The following PDS5B variants were observed in gnomAD, a reference collection of about 807,000 sequenced individuals.
PDS5B encodes sister chromatid cohesion protein PDS5 homolog B.
PDS5B carries 51 observed loss-of-function variants against 184.1 expected under a neutral mutation model. That is an observed-to-expected ratio of 0.28 (90% confidence interval 0.22 to 0.35). The LOEUF is 0.35. PDS5B is among the 10% of genes least tolerant of loss of function. The pLI is 1.00. For missense variants in PDS5B, 1,180 were observed against 1,723.3 expected, an observed-to-expected ratio of 0.68 and a Z score of 5.58; for synonymous variants, 566 against 569.2, an observed-to-expected ratio of 0.99 and a Z score of 0.08.
intron 7 of PDS5B, among the ~76,000 whole-genome samples, chr13:32,669,589 A>G (rs1566306699): frequency 6.6e-6 from 1 of 152,198 alleles, no homozygotes; most frequent in Non-Finnish European, 1.5e-5. Flanking sequence ...ACATCAAGGT[A>G]AAAACATTTC....
At chr13:32,735,023 ATGT>A (rs1373697443) in intron 20 of PDS5B, 146 bp from the exon 21 acceptor site, 1 of 481,290 alleles carries the variant, frequency 2.1e-6, no homozygotes, top group African/African-American at 2.0e-5. Context: ...TACTTATACT[ATGT>A]ATATTTATTG....
chr13:32,737,055 A>G (rs566210365), intron 21 of PDS5B, among the ~76,000 whole-genome samples: 2 of 152,302 alleles, frequency 1.3e-5, no homozygotes, highest in Admixed American at 6.5e-5. Context: ...TAGGCTTATC[A>G]TCTTGATCTC....
At chr13:32,594,196 A>G (rs956709324) in intron 1 of PDS5B, among the ~76,000 whole-genome samples, 13 of 152,206 alleles carry the variant, frequency 8.5e-5, no homozygotes, top group Admixed American at 2.6e-4. Flanking sequence ...AGTGTTTGGG[A>G]TAAGCCAGGT....
In PDS5B at chr13:32,758,131, A is replaced by G; in HGVS notation, c.3101A>G (p.Asn1034Ser). 1 of 1,538,748 alleles carries G rather than the reference A, an allele frequency of 6.5e-7. No homozygotes were observed. The highest frequency in any genetic ancestry group is 8.8e-7 in the Non-Finnish European group (1 of 1,130,392). The change falls in exon 27 of 35, where the codon AAT becomes AGT. Residue 1034 changes from asparagine (N) to serine (S), a missense_variant. Coordinates refer to ENST00000315596, the MANE Select transcript of PDS5B (RefSeq NM_015032.4). ...VLEILMAKNE[N>S]NSHAFIRKMV... ...GAAATATTAATGGCTAAAAATGAAA[A>G]TAACAGTCACGCTTTTATCAGAAAG... is the stretch of plus-strand genomic sequence containing the variant.
chr13:32,668,487 A>G (rs966992092), intron 7 of PDS5B, among the ~76,000 whole-genome samples: 1 of 152,178 alleles, frequency 6.6e-6, no homozygotes, highest in Admixed American at 6.5e-5. Flanking sequence ...ACAGAAGTTT[A>G]TGGTAAGTTT....
intron 21 of PDS5B, 61 bp downstream of exon 21, chr13:32,735,391 C>A: frequency 8.4e-7 from 1 of 1,187,686 alleles, no homozygotes; most frequent in Non-Finnish European, 1.2e-6. Context: ...TTTTATCCAA[C>A]AAGGAAAGAA....
intron 7 of PDS5B, among the ~76,000 whole-genome samples, chr13:32,670,390 C>T (rs953145139): frequency 3.3e-5 from 5 of 151,898 alleles, no homozygotes; most frequent in African/African-American, 1.2e-4. Flanking sequence ...TGAATTTTTC[C>T]TTTTTTAAAA....
chr13:32,742,878 CA>C, intron 23 of PDS5B, 151 bp downstream of exon 23: 1 of 708,306 alleles, frequency 1.4e-6, no homozygotes, highest in Non-Finnish European at 2.3e-6. Flanking sequence ...TGCTTTTGTA[CA>C]GTGGTTATTT....
chr13:32,714,338 C>G (rs1275138586), intron 19 of PDS5B, among the ~76,000 whole-genome samples: 1 of 151,860 alleles, frequency 6.6e-6, no homozygotes, highest in Non-Finnish European at 1.5e-5. Context: ...ATAAGCCTCA[C>G]AGGACCACAG....
chr13:32,718,337 A>G (rs9596132), intron 19 of PDS5B, among the ~76,000 whole-genome samples: 1,833 of 152,210 alleles, frequency 0.012, 37 homozygotes, highest in African/African-American at 0.041. Flanking sequence ...TTTTTAATAG[A>G]GACGGGGTTT....
At chr13:32,597,362 T>TA (rs2057893554) in intron 1 of PDS5B, among the ~76,000 whole-genome samples, 1 of 151,754 alleles carries the variant, frequency 6.6e-6, no homozygotes, top group African/African-American at 2.4e-5. Context: ...CTTTTTCACA[T>TA]GTTATTGCAG....
chr13:32,623,611 C>A (rs2058331402), intron 1 of PDS5B, among the ~76,000 whole-genome samples: 1 of 152,122 alleles, frequency 6.6e-6, no homozygotes, highest in Admixed American at 6.5e-5. Flanking sequence ...ATTTCTCTCA[C>A]TGTTATAATT....
intron 34 of PDS5B, among the ~76,000 whole-genome samples, chr13:32,774,612 A>G (rs891368338): frequency 4.6e-5 from 7 of 152,332 alleles, no homozygotes; most frequent in Middle Eastern, 6.8e-3. Flanking sequence ...TTAAGATCCA[A>G]ACTCAGTAAC....
chr13:32,595,203 AG>A (rs1292275774), intron 1 of PDS5B, among the ~76,000 whole-genome samples: 1 of 152,168 alleles, frequency 6.6e-6, no homozygotes, highest in Admixed American at 6.5e-5. Flanking sequence ...TGACATGACT[AG>A]GTTTATCATC....
intron 13 of PDS5B, among the ~76,000 whole-genome samples, chr13:32,691,722 A>G (rs1951555545): frequency 1.3e-5 from 2 of 152,142 alleles, no homozygotes; most frequent in Non-Finnish European, 2.9e-5. Context: ...AATCACTAGT[A>G]TATAGCTAGG....
chr13:32,592,355 A>G (rs1593226678), intron 1 of PDS5B, among the ~76,000 whole-genome samples: 1 of 151,996 alleles, frequency 6.6e-6, no homozygotes, highest in Non-Finnish European at 1.5e-5. Context: ...TGGCAGGTTC[A>G]GGCGATTCTC....
At chr13:32,630,789 C>CT (rs59791239) in intron 1 of PDS5B, among the ~76,000 whole-genome samples, 43,536 of 141,606 alleles carry the variant, frequency 0.31, 7,934 homozygotes, top group Non-Finnish European at 0.42. Context: ...CTCTTCCTTA[C>CT]TTTTTTTTTT....
At chr13:32,774,924 C>T (rs941807640) in intron 34 of PDS5B, 93 bp from the exon 35 acceptor site, 2 of 1,180,690 alleles carry the variant, frequency 1.7e-6, no homozygotes, top group Admixed American at 3.8e-5. Context: ...AAATCAGGAA[C>T]AAATGAGAAT....
Position 32,659,386 on chromosome 13 carries a change from G to T in PDS5B, c.624+106G>T, listed in dbSNP as rs540999840. On this transcript the variant is annotated intron_variant, in intron 6 of 34. Transcript: ENST00000315596. ...GTTTATCCTGCTTTAATCTTTTAGA[G>T]AATCTGTTGGTTTAGTTATATTAAT... 1.5e-4 allele frequency: 113 copies of T among 770,774 alleles called. No individual in the cohort carries two copies. In the African/African-American group the frequency reaches 1.6e-3, roughly 11 times the overall value. 47.7% of individuals were successfully genotyped at this position (770,774 alleles called of 1,614,324 possible).
Sources: allele counts gnomAD v4.1 joint callset (sites outside exome capture counted in the v4.1 genomes callset), GRCh38; gene constraint gnomAD v4.1.1; transcripts MANE v1.5; gene names NCBI Gene and HGNC (gene_info 2026-07-23, HGNC 2026-07-21).